PCCA: variants seen among roughly 807,000 people sequenced by gnomAD.
PCCA encodes propionyl-CoA carboxylase alpha chain, mitochondrial.
PCCA carries 74 observed loss-of-function variants against 101.3 expected under a neutral mutation model. The observed-to-expected ratio is 0.73, with a 90% CI of 0.61 to 0.89. The LOEUF (loss-of-function observed/expected upper bound fraction) is 0.89. Among genes scored for constraint, PCCA ranks in the 40% least tolerant of loss-of-function variants. The probability of loss-of-function intolerance (pLI) is 0.00; values close to 1 mark genes in which losing one functional copy is unlikely to be tolerated. For missense variants in PCCA, 891 were observed against 907.0 expected (o/e 0.98, Z 0.23); for synonymous variants, 294 against 313.6 (o/e 0.94, Z 0.66).
intron 19 of PCCA, among the ~76,000 whole-genome samples, chr13:100,380,072 A>G (rs1294336801): frequency 6.6e-6 from 1 of 151,834 alleles, no homozygotes; most frequent in Non-Finnish European, 1.5e-5. Flanking sequence ...CGAAAAAACA[A>G]AAAAACACGC....
At chr13:100,258,680 G>C (rs1352474397) in intron 9 of PCCA, among the ~76,000 whole-genome samples, 2 of 152,128 alleles carry the variant, frequency 1.3e-5, no homozygotes, top group African/African-American at 4.8e-5. Flanking sequence ...GAGGTTTGCT[G>C]TGCTGCTGTT....
chr13:100,294,732 A>G (rs1972237), intron 12 of PCCA, among the ~76,000 whole-genome samples: 66,020 of 152,040 alleles, frequency 0.43, 16,100 homozygotes, highest in South Asian at 0.65. Flanking sequence ...AATAGCCAGT[A>G]CTCACTTTGA....
intron 20 of PCCA, among the ~76,000 whole-genome samples, chr13:100,430,855 A>G (rs997716382): frequency 6.6e-6 from 1 of 152,184 alleles, no homozygotes; most frequent in African/African-American, 2.4e-5. Flanking sequence ...GATAGTCACA[A>G]TGAGAACAAT....
chr13:100,136,517 A>ATC (rs2051192986), intron 4 of PCCA, among the ~76,000 whole-genome samples: 1 of 152,118 alleles, frequency 6.6e-6, no homozygotes, highest in African/African-American at 2.4e-5. Flanking sequence ...CAGTGAAACC[A>ATC]TCTGGGCCTG....
intron 4 of PCCA, among the ~76,000 whole-genome samples, chr13:100,126,564 C>T (rs779792707): frequency 4.0e-5 from 6 of 151,706 alleles, no homozygotes; most frequent in Non-Finnish European, 5.9e-5. Flanking sequence ...TTTGCTGTAG[C>T]GGGGGGTCTC....
At chr13:100,208,819 C>A (rs1000337842) in intron 6 of PCCA, among the ~76,000 whole-genome samples, 1 of 152,120 alleles carries the variant, frequency 6.6e-6, no homozygotes. Context: ...TTGTCTATTT[C>A]TCTGAGGTGT....
intron 8 of PCCA, among the ~76,000 whole-genome samples, chr13:100,245,580 A>G (rs1339917618): frequency 1.3e-5 from 2 of 152,214 alleles, no homozygotes; most frequent in Admixed American, 6.5e-5. Flanking sequence ...TGGAGTTTCC[A>G]CCATCTGCAA....
intron 4 of PCCA, among the ~76,000 whole-genome samples, chr13:100,119,450 G>A (rs1361146502): frequency 1.3e-5 from 2 of 152,046 alleles, no homozygotes; most frequent in East Asian, 3.9e-4. Context: ...CACCCTCCAG[G>A]GTATCACTCA....
chr13:100,522,924 TAGTG>T (rs1188371925), intron 22 of PCCA, among the ~76,000 whole-genome samples: 4 of 152,256 alleles, frequency 2.6e-5, no homozygotes, highest in Non-Finnish European at 4.4e-5. Flanking sequence ...CAAATAACAT[TAGTG>T]AGCTACACCA....
At chr13:100,188,723 A>AT (rs1472770622) in intron 6 of PCCA, among the ~76,000 whole-genome samples, 1 of 152,030 alleles carries the variant, frequency 6.6e-6, no homozygotes, top group Non-Finnish European at 1.5e-5. Flanking sequence ...AACATCTAAT[A>AT]TTTTTTGATT....
chr13:100,275,485 T>G (rs547183625), intron 12 of PCCA, among the ~76,000 whole-genome samples: 1 of 152,306 alleles, frequency 6.6e-6, no homozygotes, highest in Non-Finnish European at 1.5e-5. Flanking sequence ...ATGCTTTTAC[T>G]CTCGACCTAC....
chr13:100,417,249 C>T (rs1006719374), intron 19 of PCCA, among the ~76,000 whole-genome samples: 1 of 152,194 alleles, frequency 6.6e-6, no homozygotes, highest in Non-Finnish European at 1.5e-5. Context: ...ATTTCATGAA[C>T]TGTACCCACC....
chr13:100,528,130 CTCTTCAA>C (rs1314806791), intron 23 of PCCA, among the ~76,000 whole-genome samples: 1 of 152,204 alleles, frequency 6.6e-6, no homozygotes, highest in Non-Finnish European at 1.5e-5. Flanking sequence ...ATTAATGTAA[CTCTTCAA>C]GACAATTTCT....
intron 21 of PCCA, among the ~76,000 whole-genome samples, chr13:100,451,373 A>T (rs191402647): frequency 1.3e-5 from 2 of 152,314 alleles, no homozygotes; most frequent in Non-Finnish European, 2.9e-5. Context: ...TTCTTCCAGA[A>T]AATTATGCAT....
intron 6 of PCCA, among the ~76,000 whole-genome samples, chr13:100,175,667 A>G (rs969925237): frequency 5.3e-5 from 8 of 152,188 alleles, no homozygotes; most frequent in African/African-American, 1.9e-4. Context: ...AGTTGTTTCT[A>G]AGCCTGATGA....
intron 21 of PCCA, among the ~76,000 whole-genome samples, chr13:100,507,429 A>G (rs1031872683): frequency 3.9e-5 from 6 of 152,108 alleles, no homozygotes; most frequent in African/African-American, 1.4e-4. Context: ...TGGGAAACCC[A>G]CTGAGGACTT....
intron 21 of PCCA, among the ~76,000 whole-genome samples, chr13:100,492,103 G>C: frequency 6.6e-6 from 1 of 152,118 alleles, no homozygotes; most frequent in Non-Finnish European, 1.5e-5. Flanking sequence ...CCCCACAGGG[G>C]CTGCTTAGAT....
chr13:100,137,662 A>G (rs1176241520), intron 4 of PCCA, among the ~76,000 whole-genome samples: 1 of 151,768 alleles, frequency 6.6e-6, no homozygotes, highest in Non-Finnish European at 1.5e-5. Flanking sequence ...TCCAGCCTTT[A>G]TTTGCTTGAT....
chr13:100,524,278 G>A (rs2087542469), intron 22 of PCCA, among the ~76,000 whole-genome samples: 1 of 152,090 alleles, frequency 6.6e-6, no homozygotes. Context: ...GGTGTAGTTT[G>A]TGTTTCCATT....
Sources: gnomAD v4.1 joint callset for allele counts (sites outside exome capture counted in the v4.1 genomes callset) on GRCh38, gnomAD v4.1.1 for gene constraint, MANE v1.5 for transcripts, NCBI Gene and HGNC (gene_info 2026-07-23, HGNC 2026-07-21) for gene names.